The following XPO4 variants were observed in gnomAD, a reference collection of about 807,000 sequenced individuals.
The protein encoded by XPO4 is exportin-4.
XPO4 carries 39 observed loss-of-function variants against 143.0 expected under a neutral mutation model. The ratio of observed to expected loss-of-function variants is 0.27; its 90% CI spans 0.21 to 0.36. XPO4 has a LOEUF of 0.36. Among genes scored for constraint, XPO4 ranks in the 10% least tolerant of loss-of-function variants. The pLI, the probability that XPO4 is intolerant of heterozygous loss-of-function variation, is 1.00. For synonymous variants in XPO4, 439 were observed against 474.0 expected (o/e 0.93, Z 0.96); for missense variants, 907 against 1,348.0 (o/e 0.67, Z 5.12).
chr13:20,844,474 C>A (rs939613648), intron 4 of XPO4, among the ~76,000 whole-genome samples: 2 of 152,128 alleles, frequency 1.3e-5, no homozygotes, highest in African/African-American at 4.8e-5. Context: ...AATATCAACT[C>A]ATTGATTTTA....
intron 3 of XPO4, among the ~76,000 whole-genome samples, chr13:20,858,699 G>A (rs528320044): frequency 1.2e-3 from 177 of 151,838 alleles, no homozygotes; most frequent in Non-Finnish European, 2.1e-3. Context: ...GTGAAACCCC[G>A]TCTCTACTAA....
At chr13:20,852,697 G>C (rs1160161166) in intron 4 of XPO4, 1 of 978,304 alleles carries the variant, frequency 1.0e-6, no homozygotes, top group African/African-American at 1.8e-5. Context: ...AATCAAATGA[G>C]AAAGCAAGGT....
intron 4 of XPO4, among the ~76,000 whole-genome samples, 167 bp downstream of exon 4, chr13:20,855,458 AGG>A (rs545827427): frequency 7.6e-6 from 1 of 131,732 alleles, no homozygotes; most frequent in African/African-American, 2.9e-5. Context: ...TCTTGTCACA[AGG>A]GAAAAAAAAA....
At chr13:20,840,439 C>T (rs1405756235) in intron 6 of XPO4, among the ~76,000 whole-genome samples, 4 of 152,050 alleles carry the variant, frequency 2.6e-5, no homozygotes, top group African/African-American at 9.7e-5. Flanking sequence ...AACTCCTAGA[C>T]TCAAGCAATC....
chr13:20,789,101 G>A (rs2059243471), intron 19 of XPO4, among the ~76,000 whole-genome samples: 1 of 152,288 alleles, frequency 6.6e-6, no homozygotes, highest in South Asian at 2.1e-4. Context: ...AGAGAACTGA[G>A]GTAAAAGTAA....
intron 3 of XPO4, among the ~76,000 whole-genome samples, chr13:20,861,471 T>C (rs1410056646): frequency 6.6e-6 from 1 of 151,896 alleles, no homozygotes; most frequent in Non-Finnish European, 1.5e-5. Flanking sequence ...AATTTTTGTA[T>C]TTTTAGTAGA....
intron 13 of XPO4, among the ~76,000 whole-genome samples, chr13:20,801,539 T>C (rs962069801): frequency 6.6e-6 from 1 of 152,254 alleles, no homozygotes; most frequent in Non-Finnish European, 1.5e-5. Flanking sequence ...AAACTCTTGC[T>C]AGAAAGATTA....
chr13:20,803,356 C>T lies in XPO4; in HGVS notation c.1818-2366G>A, dbSNP rs759184123. Among the ~76,000 whole-genome samples, 11 of 152,226 alleles carry T rather than the reference C, an allele frequency of 7.2e-5. No individual in the cohort carries two copies. Among genetic ancestry groups the T allele is most frequent in the South Asian group, 2.1e-4 (1 of 4,834 alleles). On this transcript the variant is annotated intron_variant, in intron 13 of 22. Coordinates refer to ENST00000255305, the MANE Select transcript of XPO4 (RefSeq NM_022459.5). The surrounding 1 kb of genome is among the most constrained non-coding windows in gnomAD (Gnocchi z 4.1). Reference sequence around the variant, plus strand: ...GGGGTTTTACACACCTGCCAATCCACATGTTCAGAGGTAGAAGTGAAAACT... The same window carrying T: ...GGGGTTTTACACACCTGCCAATCCATATGTTCAGAGGTAGAAGTGAAAACT...
chr13:20,858,755 C>T (rs1029067888), intron 3 of XPO4, among the ~76,000 whole-genome samples: 2 of 151,864 alleles, frequency 1.3e-5, no homozygotes, highest in Non-Finnish European at 2.9e-5. Flanking sequence ...CTTGTAATCC[C>T]AGCTACTCCA....
intron 15 of XPO4, 150 bp from the exon 16 acceptor site, chr13:20,799,489 G>A: frequency 1.6e-6 from 1 of 630,302 alleles, no homozygotes; most frequent in Admixed American, 3.3e-5. Flanking sequence ...AGACTTTGAA[G>A]TCACAGGCTT....
Position 20,839,635 on chromosome 13 carries a change from G to C in XPO4, c.727+3260C>G, listed in dbSNP as rs61954188. On this transcript the variant is annotated intron_variant, in intron 6 of 22. Coordinates refer to ENST00000255305, the MANE Select transcript of XPO4 (RefSeq NM_022459.5). ...GAGAATCACTTGAAGCCAGGAGTTC[G>C]AGGCCAGCCTAGCCAACACAGCAAG... 2.0e-3 allele frequency among the ~76,000 whole-genome samples: 305 copies of C among 152,092 alleles called. 1 individual carries two copies. Among genetic ancestry groups the C allele is most frequent in the South Asian group, 7.3e-3 (35 of 4,824 alleles).
intron 1 of XPO4, among the ~76,000 whole-genome samples, chr13:20,873,838 C>T (rs1047518357): frequency 2.0e-5 from 3 of 152,116 alleles, no homozygotes; most frequent in Admixed American, 1.3e-4. Context: ...CCCTGGGCAG[C>T]AATAATTGTA....
intron 7 of XPO4, among the ~76,000 whole-genome samples, chr13:20,823,461 T>C (rs1380464011): frequency 1.3e-5 from 2 of 152,204 alleles, no homozygotes; most frequent in Non-Finnish European, 2.9e-5. Flanking sequence ...GTTGATTTAC[T>C]GACATGCTTA....
intron 1 of XPO4, among the ~76,000 whole-genome samples, chr13:20,876,137 C>T (rs1269778540): frequency 2.7e-5 from 4 of 149,856 alleles, no homozygotes; most frequent in Admixed American, 1.3e-4. Context: ...TGGCACATGC[C>T]TGTAAACCCA....
At chr13:20,808,364 T>C (rs1342749340) in intron 12 of XPO4, 72 bp downstream of exon 12, 2 of 1,408,462 alleles carry the variant, frequency 1.4e-6, no homozygotes, top group African/African-American at 1.4e-5. Flanking sequence ...TTGTTTTTCA[T>C]ATAGGAAGCT....
At chr13:20,853,397 A>G (rs1044232085) in intron 4 of XPO4, among the ~76,000 whole-genome samples, 1 of 150,142 alleles carries the variant, frequency 6.7e-6, no homozygotes, top group Non-Finnish European at 1.5e-5. Flanking sequence ...AATCCCAGCT[A>G]CTCGAGAGGC....
rs2059813943 is a variant in XPO4, at chr13:20,828,455, C to T, written c.728-1276G>A. 2.0e-5 allele frequency among the ~76,000 whole-genome samples: 3 copies of T among 152,136 alleles called. No homozygotes were observed. The South Asian group carries it at 6.2e-4, about 32-fold the overall frequency. On this transcript the variant is annotated intron_variant, in intron 6 of 22. Coordinates refer to ENST00000255305, the MANE Select transcript of XPO4 (RefSeq NM_022459.5). Reference sequence around the variant, plus strand: ...TTATTTTTACAGAAAAATTATTATTCACAGGGAAAATTAAAGGCTGTAATA... The same window carrying T: ...TTATTTTTACAGAAAAATTATTATTTACAGGGAAAATTAAAGGCTGTAATA...
At chr13:20,880,185 G>A (rs890287908) in intron 1 of XPO4, among the ~76,000 whole-genome samples, 1 of 152,164 alleles carries the variant, frequency 6.6e-6, no homozygotes, top group African/African-American at 2.4e-5. Flanking sequence ...TGTAATCCCA[G>A]CACTTTGGGA....
In XPO4 at chr13:20,780,253, C is replaced by A. The variant is rs1210823472; in HGVS notation, c.*3469G>T. The A allele has an allele frequency of 6.6e-6, 1 of 152,112 alleles. No homozygotes were observed. Among genetic ancestry groups the A allele is most frequent in the Non-Finnish European group, 1.5e-5 (1 of 68,020 alleles). 9.4% of individuals were successfully genotyped at this position (152,112 alleles called of 1,614,324 possible). A position where few individuals can be genotyped will look rare whatever the true frequency, so the allele number is the denominator to read the frequency against. On this transcript the variant is annotated 3_prime_UTR_variant, in exon 23 of 23. Transcript: ENST00000255305. The stretch of plus-strand genomic sequence containing the variant: ...TAACTTAGTAAGGTCAATTGACAAC[C>A]ACCTCTAACAACAGAGGTGGCAAAC...
Sources: gnomAD v4.1 joint callset for allele counts (sites outside exome capture counted in the v4.1 genomes callset) on GRCh38, gnomAD v4.1.1 for gene constraint, Gnocchi (gnomAD v3.1) non-coding constraint, MANE v1.5 for transcripts, NCBI Gene and HGNC (gene_info 2026-07-23, HGNC 2026-07-21) for gene names.